Variants in ANKRD12 observed in about 807,000 individuals in gnomAD.
ANKRD12 encodes ankyrin repeat domain 12, also known as ankyrin repeat domain-containing protein 12.
Under a neutral mutation model 183.4 loss-of-function variants are expected in ANKRD12, and 85 were observed. The ratio of observed to expected loss-of-function variants is 0.46; its 90% confidence interval spans 0.39 to 0.56. The LOEUF is 0.56. Among genes scored for constraint, ANKRD12 ranks in the 20% least tolerant of loss-of-function variants. The pLI, the probability that ANKRD12 is intolerant of heterozygous loss-of-function variation, is 0.00. For missense variants in ANKRD12, 2,405 were observed against 2,357.1 expected, an observed-to-expected ratio of 1.02 and a Z score of -0.42; for synonymous variants, 914 against 800.2, an observed-to-expected ratio of 1.14 and a Z score of -2.40.
At chr18:9,261,642 G>A (rs939478281) in intron 9 of ANKRD12, among the ~76,000 whole-genome samples, 2 of 152,148 alleles carry the variant, frequency 1.3e-5, no homozygotes, top group South Asian at 2.1e-4. Flanking sequence ...AAATGATGAC[G>A]ACGAGAGTAA....
intron 2 of ANKRD12, among the ~76,000 whole-genome samples, chr18:9,195,261 C>T (rs1002366161): frequency 3.3e-5 from 5 of 152,112 alleles, no homozygotes; most frequent in Non-Finnish European, 7.4e-5. Context: ...ATGAAATAAT[C>T]TTTACACCAA....
At chr18:9,182,356 A>C in intron 1 of ANKRD12, 26 bp from the exon 2 acceptor site, 1 of 573,224 alleles carries the variant, frequency 1.7e-6, no homozygotes, top group South Asian at 2.2e-5. Flanking sequence ...ATATTCAAAT[A>C]ACCCTTATAT....
chr18:9,263,457 A>G (rs568919993), intron 9 of ANKRD12, among the ~76,000 whole-genome samples: 1 of 152,242 alleles, frequency 6.6e-6, no homozygotes, highest in East Asian at 1.9e-4. Context: ...GCATGTTTAT[A>G]CCAGCTTTTC....
At chr18:9,155,971 C>G (rs2030364323) in intron 1 of ANKRD12, among the ~76,000 whole-genome samples, 1 of 151,838 alleles carries the variant, frequency 6.6e-6, no homozygotes, top group African/African-American at 2.4e-5. Context: ...CGAATCTCTA[C>G]TAAAAATGCA....
At chr18:9,250,588 G>A (rs1035592298) in intron 8 of ANKRD12, among the ~76,000 whole-genome samples, 4 of 152,152 alleles carry the variant, frequency 2.6e-5, no homozygotes, top group South Asian at 2.1e-4. Context: ...GTATGGTGGC[G>A]CACACCCGTA....
intron 1 of ANKRD12, 84 bp from the exon 2 acceptor site, chr18:9,182,298 A>G: frequency 2.6e-6 from 1 of 386,928 alleles, no homozygotes; most frequent in Non-Finnish European, 4.6e-6. Context: ...TTATGAAAAC[A>G]GAGAGAAAAC....
chr18:9,160,374 A>G (rs1252696429), intron 1 of ANKRD12, among the ~76,000 whole-genome samples: 4 of 152,216 alleles, frequency 2.6e-5, no homozygotes, highest in South Asian at 2.1e-4. Context: ...TGGGCTTCCA[A>G]AGTGCTAGGA....
intron 1 of ANKRD12, among the ~76,000 whole-genome samples, chr18:9,150,240 T>A (rs2078641519): frequency 6.6e-6 from 1 of 152,214 alleles, no homozygotes; most frequent in Admixed American, 6.5e-5. Flanking sequence ...TCTTTCCCTA[T>A]TCTGGATTTA....
At chr18:9,216,989 T>C (rs2036143756) in intron 7 of ANKRD12, 89 bp downstream of exon 7, 1 of 1,244,570 alleles carries the variant, frequency 8.0e-7, no homozygotes, top group Admixed American at 2.3e-5. Context: ...AGTCATATGA[T>C]CTGTGTCATA....
chr18:9,229,912 G>A (rs1258283775), intron 8 of ANKRD12, among the ~76,000 whole-genome samples: 2 of 152,108 alleles, frequency 1.3e-5, no homozygotes, highest in East Asian at 3.8e-4. Flanking sequence ...CATCAGGGAT[G>A]TTGGCCTATA....
intron 1 of ANKRD12, among the ~76,000 whole-genome samples, chr18:9,139,601 T>C (rs903752704): frequency 3.9e-5 from 6 of 152,256 alleles, no homozygotes; most frequent in African/African-American, 1.4e-4. Context: ...AGGTTTCTAC[T>C]GCTCTCTGTA....
At chr18:9,196,328 G>A (rs991093806) in intron 3 of ANKRD12, among the ~76,000 whole-genome samples, 52 of 152,132 alleles carry the variant, frequency 3.4e-4, no homozygotes, top group African/African-American at 1.1e-3. Context: ...ATTCATAACG[G>A]ATGAGATTCT....
chr18:9,152,996 C>T (rs2078733314), intron 1 of ANKRD12, among the ~76,000 whole-genome samples: 1 of 152,100 alleles, frequency 6.6e-6, no homozygotes, highest in East Asian at 2.0e-4. Context: ...TCATGTATTT[C>T]TTTTTTAAAA....
intron 7 of ANKRD12, among the ~76,000 whole-genome samples, chr18:9,220,278 A>G (rs921198763): frequency 6.6e-6 from 1 of 152,196 alleles, no homozygotes; most frequent in Non-Finnish European, 1.5e-5. Flanking sequence ...AAGTACCAGA[A>G]AACACCATAG....
At position 9,211,783 on chromosome 18, in the gene ANKRD12, A is replaced by G; in HGVS notation, c.651A>G (p.Ala217=). Residue 217 remains alanine (A), a splice_region_variant and synonymous_variant, in exon 6 of 13, where the codon GCA becomes GCG. Transcript: ENST00000262126. ...CAAATGTGAATGTGAAAGATTTTGC[A>G]GGTAAGACTAGTAATTCAATACCTA... ...LGANVNVKDF[A]GWTPLHEACN... 6.2e-7 allele frequency: 1 copy of G among 1,612,088 alleles called. No individual in the cohort carries two copies. Among genetic ancestry groups the G allele is most frequent in the Non-Finnish European group, 8.5e-7 (1 of 1,178,702 alleles).
intron 2 of ANKRD12, among the ~76,000 whole-genome samples, chr18:9,186,794 C>T (rs547442906): frequency 1.2e-4 from 18 of 149,228 alleles, no homozygotes; most frequent in Non-Finnish European, 1.0e-4. Flanking sequence ...TCTTTTTCCC[C>T]GGGCCGGAGT....
At chr18:9,220,970 CA>C (rs1259477831) in intron 7 of ANKRD12, among the ~76,000 whole-genome samples, 1 of 152,012 alleles carries the variant, frequency 6.6e-6, no homozygotes, top group Non-Finnish European at 1.5e-5. Context: ...GCTGCAAGGG[CA>C]GATGTCTTTT....
intron 10 of ANKRD12, among the ~76,000 whole-genome samples, chr18:9,272,628 A>C (rs1451898771): frequency 6.6e-6 from 1 of 151,986 alleles, no homozygotes; most frequent in Non-Finnish European, 1.5e-5. Flanking sequence ...ATTTTTGGTT[A>C]TTGCTTTTAA....
Position 9,139,228 on chromosome 18 carries a change from T to TA in ANKRD12, c.-52+2264dup, listed in dbSNP as rs577736484. ...GTGCAGACTTACACTGGTTTGTTAA[T>TA]ACCCAAGGGGGAAAAAAGCCTGAAT... On this transcript the variant is annotated intron_variant, in intron 1 of 12. Coordinates refer to ENST00000262126, the MANE Select transcript of ANKRD12 (RefSeq NM_015208.5). 4.6e-3 allele frequency among the ~76,000 whole-genome samples: 702 copies of TA among 152,288 alleles called. 4 individuals carry two copies. Among genetic ancestry groups the TA allele is most frequent in the Non-Finnish European group, 8.0e-3 (545 of 68,026 alleles).
Sources: allele counts gnomAD v4.1 joint callset (sites outside exome capture counted in the v4.1 genomes callset), GRCh38; gene constraint gnomAD v4.1.1; transcripts MANE v1.5; gene names NCBI Gene and HGNC (gene_info 2026-07-23, HGNC 2026-07-21).